The following SEC22C variants were observed in gnomAD, a reference collection of about 807,000 sequenced individuals.
The protein encoded by SEC22C is vesicle-trafficking protein SEC22c.
SEC22C carries 29 observed loss-of-function variants against 34.7 expected under a neutral mutation model. The observed-to-expected ratio is 0.84, with a 90% confidence interval of 0.62 to 1.14. The LOEUF is 1.14. SEC22C is among the 50% of genes most tolerant of loss of function. The pLI is 0.00. For synonymous variants in SEC22C, 117 were observed against 132.8 expected, an observed-to-expected ratio of 0.88 and a Z score of 0.82; for missense variants, 337 against 369.0, an observed-to-expected ratio of 0.91 and a Z score of 0.71.
Position 42,548,360 on chromosome 3 carries a change from T to C in SEC22C, c.*4888A>G. On this transcript the variant is annotated 3_prime_UTR_variant, in exon 7 of 7. Coordinates refer to ENST00000264454, the MANE Select transcript of SEC22C (RefSeq NM_032970.4). ...ATATAAATGTAAGGGTTAAAGGTCA[T>C]ATGTACTAAGCATGGGTCAGAGGAA... The C allele has an allele frequency of 3.8e-6, 2 of 530,910 alleles. No individual in the cohort carries two copies. Among genetic ancestry groups the C allele is most frequent in the South Asian group, 2.7e-5 (1 of 37,636 alleles). The allele number at this position is 530,910 out of a possible 1,614,324, so 32.9% of individuals were successfully genotyped here.
chr3:42,568,718 T>G lies in SEC22C; in HGVS notation c.182+147A>C. ...CTAAGAAAACCCATTTCTTTTATGATTCTGTTGTAGACACACATGATCTCA... is the reference window on the plus strand; with the variant it reads ...CTAAGAAAACCCATTTCTTTTATGAGTCTGTTGTAGACACACATGATCTCA... On this transcript the variant is annotated intron_variant, in intron 2 of 6. Transcript: ENST00000264454. The G allele has an allele frequency of 6.7e-6, 4 of 596,770 alleles. 1 individual carries two copies. The highest frequency in any genetic ancestry group is 6.2e-5 in the South Asian group (2 of 32,452). 37.0% of individuals were successfully genotyped at this position (596,770 alleles called of 1,614,324 possible).
intron 1 of SEC22C, among the ~76,000 whole-genome samples, chr3:42,599,691 CAAA>C (rs1157160087): frequency 1.1e-5 from 1 of 92,980 alleles, no homozygotes; most frequent in Non-Finnish European, 2.2e-5. Context: ...GACTCCGTCT[CAAA>C]AAAAAAAAAA....
Position 42,554,975 on chromosome 3 carries a change from A to AAAC in SEC22C, c.711+952_711+954dup, listed in dbSNP as rs200523696. 2.7e-4 allele frequency among the ~76,000 whole-genome samples: 39 copies of AAAC among 146,026 alleles called. 1 individual carries two copies. The highest frequency in any genetic ancestry group is 7.0e-3 in the Middle Eastern group (2 of 284). On this transcript the variant is annotated intron_variant, in intron 6 of 6. Transcript: ENST00000264454. ...CTGAGTCAGAAGGTATTACTATTTA[A>AAAC]AACAACAACAACAACAACAACAAAA...
chr3:42,555,186 G>A (rs992970337), intron 6 of SEC22C, among the ~76,000 whole-genome samples: 1 of 151,698 alleles, frequency 6.6e-6, no homozygotes, highest in East Asian at 1.9e-4. Context: ...TCTACTAAAA[G>A]TACAAAAAAA....
intron 1 of SEC22C, among the ~76,000 whole-genome samples, chr3:42,598,640 A>G (rs901621947): frequency 1.1e-4 from 16 of 151,930 alleles, no homozygotes. Flanking sequence ...ACAAGAACAA[A>G]TATTACATGA....
chr3:42,562,273 A>C (rs1199479668), intron 3 of SEC22C, among the ~76,000 whole-genome samples: 2 of 152,212 alleles, frequency 1.3e-5, no homozygotes, highest in African/African-American at 2.4e-5. Context: ...CTTTAGAAGG[A>C]AGGCACATGC....
chr3:42,589,920 G>C (rs1192591537), intron 1 of SEC22C, among the ~76,000 whole-genome samples: 1 of 152,166 alleles, frequency 6.6e-6, no homozygotes, highest in Non-Finnish European at 1.5e-5. Flanking sequence ...CTTGCATCTT[G>C]CGGCACAACA....
At chr3:42,600,970 C>T in exon 1 of SEC22C, 1 of 1,507,570 alleles carries the variant, frequency 6.6e-7, no homozygotes, top group Non-Finnish European at 8.9e-7. Flanking sequence ...CGCTTTTCTC[C>T]CCCTCTCTCC....
At chr3:42,562,509 T>C (rs1477550536) in intron 3 of SEC22C, among the ~76,000 whole-genome samples, 1 of 152,206 alleles carries the variant, frequency 6.6e-6, no homozygotes, top group Non-Finnish European at 1.5e-5. Context: ...GCTAGCCCCA[T>C]TCCTGATGGG....
At chr3:42,583,017 T>C (rs2125733423), upstream of SEC22C, among the ~76,000 whole-genome samples, 1 of 152,320 alleles carries the variant, frequency 6.6e-6, no homozygotes. Flanking sequence ...ATGTACATTT[T>C]ACCACAAAAA....
chr3:42,561,016 C>T lies in SEC22C; in HGVS notation c.526+101G>A, dbSNP rs1270353144. On this transcript the variant is annotated intron_variant, in intron 4 of 6. Transcript: ENST00000264454. Reference sequence around the variant, plus strand: ...TTTCTCAGCATATTTTATACTACTCCCTCTCCCCAAAAAATAGCTTTCTAG... The same window carrying T: ...TTTCTCAGCATATTTTATACTACTCTCTCTCCCCAAAAAATAGCTTTCTAG... The T allele has an allele frequency of 5.0e-6, 6 of 1,197,932 alleles. No homozygotes were observed. In the South Asian group the frequency reaches 6.0e-5, roughly 12 times the overall value. The allele number at this position is 1,197,932 out of a possible 1,614,324, so 74.2% of individuals were successfully genotyped here. A position where few individuals can be genotyped will look rare whatever the true frequency, so the allele number is the denominator to read the frequency against.
Position 42,549,216 on chromosome 3 carries a change from A to G in SEC22C, c.*4032T>C, listed in dbSNP as rs1222459586. The G allele has an allele frequency of 2.0e-6, 2 of 986,532 alleles. No individual in the cohort carries two copies. Among genetic ancestry groups the G allele is most frequent in the African/African-American group, 1.7e-5 (1 of 57,240 alleles). 61.1% of individuals were successfully genotyped at this position (986,532 alleles called of 1,614,324 possible). On this transcript the variant is annotated 3_prime_UTR_variant, in exon 7 of 7. Transcript: ENST00000264454. The stretch of plus-strand genomic sequence containing the variant: ...CACGAAAACATTTGGAATGTGAGCA[A>G]TGTCTGAACAGGGGCTTGCCAGGCA...
At chr3:42,594,515 C>A (rs1215975232) in intron 1 of SEC22C, 1 of 1,610,060 alleles carries the variant, frequency 6.2e-7, no homozygotes, top group Non-Finnish European at 8.5e-7. Flanking sequence ...AATAATCTTT[C>A]AAAAGCAATA....
At chr3:42,572,479 G>A (rs149092548) in intron 1 of SEC22C, among the ~76,000 whole-genome samples, 1 of 152,096 alleles carries the variant, frequency 6.6e-6, no homozygotes, top group South Asian at 2.1e-4. Flanking sequence ...GCCAAGTAGG[G>A]GGCTAGAGGG....
Position 42,566,806 on chromosome 3 carries a change from C to G in SEC22C, c.182+2059G>C. ...ATCACTTGAGCCTAGGAGTTTAAGA[C>G]CAGCCTGGGCAACATGGCAAGACCT... On this transcript the variant is annotated intron_variant, in intron 2 of 6. Transcript: ENST00000264454. 2 of 417,568 alleles carry G rather than the reference C, an allele frequency of 4.8e-6. 1 individual carries two copies. The highest frequency in any genetic ancestry group is 3.5e-5 in the South Asian group (2 of 57,294). 25.9% of individuals were successfully genotyped at this position (417,568 alleles called of 1,614,324 possible).
upstream of SEC22C, among the ~76,000 whole-genome samples, chr3:42,585,888 C>G (rs944011132): frequency 6.6e-6 from 1 of 152,080 alleles, no homozygotes; most frequent in African/African-American, 2.4e-5. Flanking sequence ...CAGCTCTCCC[C>G]CAAAATCAAC....
chr3:42,572,420 A>C (rs1343909465), intron 1 of SEC22C, among the ~76,000 whole-genome samples: 3 of 152,158 alleles, frequency 2.0e-5, no homozygotes, highest in African/African-American at 7.2e-5. Flanking sequence ...TACAGTAATG[A>C]AGTGCCCCAT....
chr3:42,559,150 C>T (rs1369142138), intron 4 of SEC22C, among the ~76,000 whole-genome samples: 1 of 152,210 alleles, frequency 6.6e-6, no homozygotes, highest in African/African-American at 2.4e-5. Context: ...CCCATTCTCT[C>T]GCTATACTCC....
chr3:42,549,182 A>G lies in SEC22C; in HGVS notation c.*4066T>C. On this transcript the variant is annotated 3_prime_UTR_variant, in exon 7 of 7. Coordinates refer to ENST00000264454, the MANE Select transcript of SEC22C (RefSeq NM_032970.4). The stretch of plus-strand genomic sequence containing the variant: ...AGGTAGAGCGTCCCCAGACCTGTGC[A>G]ATATTCTACACGAAAACATTTGGAA... 1.0e-6 allele frequency: 1 copy of G among 987,446 alleles called. No individual in the cohort carries two copies. Among genetic ancestry groups the G allele is most frequent in the Non-Finnish European group, 1.2e-6 (1 of 831,086 alleles). 61.2% of individuals were successfully genotyped at this position (987,446 alleles called of 1,614,324 possible).
Sources: gnomAD v4.1 joint callset for allele counts (sites outside exome capture counted in the v4.1 genomes callset) on GRCh38, gnomAD v4.1.1 for gene constraint, MANE v1.5 for transcripts, NCBI Gene and HGNC (gene_info 2026-07-23, HGNC 2026-07-21) for gene names.